The following RPSA2 variants were observed in gnomAD, a reference collection of about 807,000 sequenced individuals.
RPSA2 encodes ribosomal protein SA 2.
At chr19:23,837,641 C>T in the RPSA2 span, among the ~76,000 whole-genome samples, 33 of 152,180 alleles carry the variant, frequency 2.2e-4, no homozygotes, top group East Asian at 1.7e-3. Flanking sequence ...TTTCTTTCAG[C>T]GGTGTTTTGT....
chr19:23,824,580 C>CTTTCTTTTTTTTTTTTTTTT, the RPSA2 span, among the ~76,000 whole-genome samples: 208 of 63,818 alleles, frequency 3.3e-3, 73 homozygotes, highest in African/African-American at 4.5e-3. Flanking sequence ...TATAGCATTT[C>CTTTCTTTTTTTTTTTTTTTT]TTTTTTTTTT....
the RPSA2 span, among the ~76,000 whole-genome samples, chr19:23,778,282 G>A: frequency 1.3e-5 from 2 of 152,064 alleles, no homozygotes; most frequent in African/African-American, 2.4e-5. Context: ...GCGCAATCTC[G>A]GCTAACCGCA....
chr19:23,819,122 CAATT>C, the RPSA2 span: 3 of 152,176 alleles, frequency 2.0e-5, no homozygotes, highest in South Asian at 2.1e-4. Flanking sequence ...AATAGTAAAA[CAATT>C]AATATTACAA....
the RPSA2 span, among the ~76,000 whole-genome samples, chr19:23,867,410 T>C: frequency 6.6e-6 from 1 of 152,246 alleles, no homozygotes; most frequent in African/African-American, 2.4e-5. Flanking sequence ...ATATGAGACT[T>C]ACAAATGAAA....
chr19:23,865,981 T>C, the RPSA2 span, among the ~76,000 whole-genome samples: 8 of 152,232 alleles, frequency 5.3e-5, no homozygotes, highest in Non-Finnish European at 1.2e-4. Context: ...AGTGCATATC[T>C]GACATGGAGT....
the RPSA2 span, among the ~76,000 whole-genome samples, chr19:23,812,694 C>A: frequency 6.6e-6 from 1 of 152,046 alleles, no homozygotes; most frequent in African/African-American, 2.4e-5. Flanking sequence ...CCACTGGGCC[C>A]GACCTCTTAG....
At chr19:23,854,333 A>C in the RPSA2 span, among the ~76,000 whole-genome samples, 1 of 152,204 alleles carries the variant, frequency 6.6e-6, no homozygotes, top group Non-Finnish European at 1.5e-5. Context: ...ATTTAGAGGA[A>C]TGGTACTACA....
the RPSA2 span, among the ~76,000 whole-genome samples, chr19:23,855,888 C>T: frequency 6.6e-6 from 1 of 152,034 alleles, no homozygotes; most frequent in Non-Finnish European, 1.5e-5. Flanking sequence ...GCTCCGGAGG[C>T]AAAGACCGCA....
chr19:23,870,531 A>AC, the RPSA2 span, among the ~76,000 whole-genome samples: 2 of 151,692 alleles, frequency 1.3e-5, no homozygotes, highest in African/African-American at 2.4e-5. Context: ...ATTACAAAAA[A>AC]AAGTTCTTGA....
chr19:23,774,618 A>C, the RPSA2 span, among the ~76,000 whole-genome samples: 1 of 152,286 alleles, frequency 6.6e-6, no homozygotes, highest in Non-Finnish European at 1.5e-5. Context: ...AAGAGCATCA[A>C]CTATTTGATG....
At chr19:23,867,633 A>G in the RPSA2 span, among the ~76,000 whole-genome samples, 1 of 152,104 alleles carries the variant, frequency 6.6e-6, no homozygotes, top group Non-Finnish European at 1.5e-5. Context: ...GATCGAGACC[A>G]TCCTGGCTAA....
chr19:23,857,231 G>T, the RPSA2 span, among the ~76,000 whole-genome samples: 1 of 152,192 alleles, frequency 6.6e-6, no homozygotes, highest in Non-Finnish European at 1.5e-5. Context: ...AATTTGTACA[G>T]TTAACACAGT....
chr19:23,837,297 T>C, the RPSA2 span, among the ~76,000 whole-genome samples: 1 of 152,132 alleles, frequency 6.6e-6, no homozygotes, highest in Non-Finnish European at 1.5e-5. Context: ...TGGCTGTAAG[T>C]ATTTGGGTTT....
chr19:23,824,938 G>T, the RPSA2 span, among the ~76,000 whole-genome samples: 3 of 150,482 alleles, frequency 2.0e-5, no homozygotes, highest in African/African-American at 7.3e-5. Context: ...AAATCTAGTT[G>T]ATGGTTATCT....
the RPSA2 span, among the ~76,000 whole-genome samples, chr19:23,870,530 A>T: frequency 2.6e-5 from 4 of 151,608 alleles, no homozygotes; most frequent in African/African-American, 9.7e-5. Flanking sequence ...AATTACAAAA[A>T]AAAGTTCTTG....
the RPSA2 span, among the ~76,000 whole-genome samples, chr19:23,806,260 G>C: frequency 6.6e-6 from 1 of 151,546 alleles, no homozygotes; most frequent in Admixed American, 6.6e-5. Context: ...GGTCAGGCTG[G>C]TCTCAAACTC....
chr19:23,807,824 A>T, the RPSA2 span: 1 of 408,670 alleles, frequency 2.4e-6, no homozygotes, highest in Non-Finnish European at 4.9e-6. Context: ...TGTCTTTTCC[A>T]GGGACTCTTG....
the RPSA2 span, among the ~76,000 whole-genome samples, chr19:23,847,247 A>G: frequency 6.7e-6 from 1 of 148,918 alleles, no homozygotes; most frequent in African/African-American, 2.5e-5. Context: ...TCCTTGGCAC[A>G]TTTCTTACTC....
the RPSA2 span, among the ~76,000 whole-genome samples, chr19:23,801,476 C>G: frequency 6.6e-6 from 1 of 152,140 alleles, no homozygotes; most frequent in Non-Finnish European, 1.5e-5. Context: ...CTCTTGACTT[C>G]GTGATCCACT....
Sources: gnomAD v4.1 joint callset for allele counts (sites outside exome capture counted in the v4.1 genomes callset) on GRCh38, gnomAD v4.1.1 for gene constraint, MANE v1.5 for transcripts, NCBI Gene and HGNC (gene_info 2026-07-23, HGNC 2026-07-21) for gene names.